Variants in EXT1 observed in about 807,000 individuals in gnomAD.
EXT1 encodes the protein exostosin-1.
EXT1 carries 20 observed loss-of-function variants against 82.5 expected under a neutral mutation model. The ratio of observed to expected loss-of-function variants is 0.24; its 90% CI spans 0.17 to 0.35. EXT1 has a LOEUF of 0.35. Among genes scored for constraint, EXT1 ranks in the 10% least tolerant of loss-of-function variants. The pLI, the probability that EXT1 is intolerant of heterozygous loss-of-function variation, is 1.00. For synonymous variants in EXT1, 348 were observed against 350.8 expected (o/e 0.99, Z 0.09); for missense variants, 757 against 936.5 (o/e 0.81, Z 2.50).
At chr8:117,856,623 T>C (rs1812567508) in intron 1 of EXT1, among the ~76,000 whole-genome samples, 1 of 151,916 alleles carries the variant, frequency 6.6e-6, no homozygotes, top group Non-Finnish European at 1.5e-5. Flanking sequence ...GAAGAAAAGT[T>C]TGAACCTAGC....
chr8:117,984,780 G>T (rs1815281130), intron 1 of EXT1, among the ~76,000 whole-genome samples: 1 of 152,106 alleles, frequency 6.6e-6, no homozygotes, highest in African/African-American at 2.4e-5. Context: ...AGAGAGACTG[G>T]ACAGGATTTG....
At chr8:118,045,770 C>G (rs1816612938) in intron 1 of EXT1, among the ~76,000 whole-genome samples, 3 of 151,602 alleles carry the variant, frequency 2.0e-5, no homozygotes, top group Non-Finnish European at 4.4e-5. Flanking sequence ...GGGTCCCGGG[C>G]TCTCTGGATG....
chr8:117,859,708 G>A (rs1812646645), intron 1 of EXT1, among the ~76,000 whole-genome samples: 1 of 152,160 alleles, frequency 6.6e-6, no homozygotes, highest in African/African-American at 2.4e-5. Flanking sequence ...TGGTTTTACT[G>A]AACATATATT....
At chr8:118,004,954 G>A (rs142926646) in intron 1 of EXT1, among the ~76,000 whole-genome samples, 173 of 152,254 alleles carry the variant, frequency 1.1e-3, no homozygotes, top group African/African-American at 3.6e-3. Context: ...ACCACACTCC[G>A]TAGGACATTT....
At chr8:118,104,787 G>A (rs1817779531) in intron 1 of EXT1, among the ~76,000 whole-genome samples, 1 of 152,164 alleles carries the variant, frequency 6.6e-6, no homozygotes, top group Admixed American at 6.5e-5. Context: ...CTTTGGATTA[G>A]GGAAGCTCAA....
chr8:118,019,283 G>GAAAGAAAGAA (rs368904934), intron 1 of EXT1, among the ~76,000 whole-genome samples: 9 of 151,960 alleles, frequency 5.9e-5, no homozygotes, highest in Non-Finnish European at 1.0e-4. Flanking sequence ...AAGAAAGAAA[G>GAAAGAAAGAA]AGGAAATGGG....
intron 1 of EXT1, among the ~76,000 whole-genome samples, chr8:117,999,975 T>TGC (rs1815627132): frequency 4.0e-5 from 6 of 151,878 alleles, no homozygotes; most frequent in Admixed American, 3.9e-4. Context: ...TATATATATG[T>TGC]GTGTGTGTAT....
intron 1 of EXT1, among the ~76,000 whole-genome samples, chr8:118,060,303 C>T (rs941113029): frequency 2.9e-4 from 44 of 152,146 alleles, no homozygotes; most frequent in African/African-American, 9.2e-4. Context: ...GGCCCACAGA[C>T]GTGTTTGATT....
chr8:117,928,806 A>G (rs1422894449), intron 1 of EXT1, among the ~76,000 whole-genome samples: 1 of 152,112 alleles, frequency 6.6e-6, no homozygotes, highest in Non-Finnish European at 1.5e-5. Flanking sequence ...ACAGAGTAGG[A>G]TTTTTTTACT....
intron 1 of EXT1, among the ~76,000 whole-genome samples, chr8:117,865,194 G>T (rs1220573473): frequency 2.6e-5 from 4 of 152,124 alleles, no homozygotes; most frequent in Admixed American, 1.3e-4. Context: ...TTGAGACAGG[G>T]TCTTGCTTTG....
At chr8:117,922,805 G>A (rs1313007333) in intron 1 of EXT1, among the ~76,000 whole-genome samples, 1 of 152,116 alleles carries the variant, frequency 6.6e-6, no homozygotes, top group Admixed American at 6.5e-5. Context: ...TCTATACTGC[G>A]TACCGTCCAA....
chr8:117,931,985 G>A (rs1306639284), intron 1 of EXT1, among the ~76,000 whole-genome samples: 2 of 152,182 alleles, frequency 1.3e-5, no homozygotes, highest in African/African-American at 4.8e-5. Context: ...TCAAGTGAAT[G>A]CATTTACTTT....
At chr8:117,922,734 T>C (rs1266805172) in intron 1 of EXT1, among the ~76,000 whole-genome samples, 1 of 152,180 alleles carries the variant, frequency 6.6e-6, no homozygotes, top group Non-Finnish European at 1.5e-5. Flanking sequence ...CAACATCCAG[T>C]GTATCTCGGC....
chr8:117,836,975 T>C (rs1377684623), intron 2 of EXT1, 133 bp downstream of exon 2: 1 of 698,164 alleles, frequency 1.4e-6, no homozygotes, highest in Non-Finnish European at 2.6e-6. Flanking sequence ...TAGATTTTCT[T>C]GAAAATATTT....
intron 1 of EXT1, among the ~76,000 whole-genome samples, chr8:117,996,878 T>A (rs1478906911): frequency 6.6e-6 from 1 of 152,178 alleles, no homozygotes; most frequent in Non-Finnish European, 1.5e-5. Context: ...GCAGCTAACA[T>A]TTTTATAGGA....
chr8:118,035,717 A>G (rs1201116397), intron 1 of EXT1, among the ~76,000 whole-genome samples: 1 of 152,102 alleles, frequency 6.6e-6, no homozygotes, highest in Non-Finnish European at 1.5e-5. Flanking sequence ...TCGGAAACAC[A>G]ATTTCTTTCA....
At chr8:117,873,005 A>G (rs1812900854) in intron 1 of EXT1, among the ~76,000 whole-genome samples, 1 of 152,206 alleles carries the variant, frequency 6.6e-6, no homozygotes, top group South Asian at 2.1e-4. Flanking sequence ...CATATGTTGA[A>G]ATCCTAACCC....
chr8:117,809,634 CA>C (rs35543306), intron 8 of EXT1, among the ~76,000 whole-genome samples: 66,070 of 133,518 alleles, frequency 0.49, 15,562 homozygotes, highest in Admixed American at 0.63. Context: ...GAGACTCCGT[CA>C]AAAAAAAAAA....
rs17503634 is a variant in EXT1 at position 117,848,727 on chromosome 8, T to C, written c.963-11526A>G. Among the ~76,000 whole-genome samples, 361 of 152,282 alleles carry C rather than the reference T, an allele frequency of 2.4e-3. 3 individuals are homozygous for C. Among genetic ancestry groups the C allele is most frequent in the African/African-American group, 8.2e-3 (340 of 41,566 alleles). Reference sequence around the variant, plus strand: ...CAGAGTCTCCTCACACCCTTCTTCCTATACCTCCTTAATCCCATTCCTCCT... The same window carrying C: ...CAGAGTCTCCTCACACCCTTCTTCCCATACCTCCTTAATCCCATTCCTCCT... On this transcript the variant is annotated intron_variant, in intron 1 of 10. Coordinates refer to ENST00000378204, the MANE Select transcript of EXT1 (RefSeq NM_000127.3).
Sources: gnomAD v4.1 joint callset for allele counts (sites outside exome capture counted in the v4.1 genomes callset) on GRCh38, gnomAD v4.1.1 for gene constraint, MANE v1.5 for transcripts, NCBI Gene and HGNC (gene_info 2026-07-23, HGNC 2026-07-21) for gene names.